Variants in RUBCN observed in about 807,000 individuals in gnomAD.
RUBCN encodes run domain Beclin-1-interacting and cysteine-rich domain-containing protein.
RUBCN carries 74 observed loss-of-function variants against 113.2 expected under a neutral mutation model. The ratio of observed to expected loss-of-function variants is 0.65; its 90% CI spans 0.54 to 0.79. The LOEUF is 0.79. RUBCN is among the 30% of genes least tolerant of loss of function. The pLI is 0.00. For synonymous variants in RUBCN, 480 were observed against 490.0 expected (o/e 0.98, Z 0.27); for missense variants, 1,109 against 1,251.7 (o/e 0.89, Z 1.72).
rs755755274 is a variant in RUBCN at position 197,700,654 on chromosome 3, C to T, written c.1220G>A (p.Arg407His). 3.7e-6 allele frequency: 6 copies of T among 1,613,922 alleles called. No individual in the cohort carries two copies. The African/African-American group carries it at 6.7e-5, about 18-fold the overall frequency. Residue 407 changes from arginine (R) to histidine (H), a missense_variant, in exon 7 of 20, where the codon CGC becomes CAC. Around this residue, in one of 3 missense-constraint regions of RUBCN, gnomAD observed 736 missense variants for 779.6 expected, o/e 0.94. Coordinates refer to ENST00000296343, the MANE Select transcript of RUBCN (RefSeq NM_014687.4). ...GGCAATGCTGGTATCCGAATGGGAG[C>T]GAATGTGGCTTTTCTTTGCCCCACT... ...VTSGAKKSHI[R>H]SHSDTSIASR... is the part of the protein sequence containing the mutation.
exon 1 of RUBCN, chr3:197,749,675 G>T: frequency 1.4e-6 from 1 of 714,344 alleles, no homozygotes; most frequent in Non-Finnish European, 2.3e-6. Flanking sequence ...GCATCCCCCA[G>T]TTTGGGCGGA....
At chr3:197,746,381 T>C (rs941321886) in intron 1 of RUBCN, among the ~76,000 whole-genome samples, 1 of 152,208 alleles carries the variant, frequency 6.6e-6, no homozygotes, top group Non-Finnish European at 1.5e-5. Context: ...TCAGGGGTCT[T>C]ATCTCTGGCA....
At chr3:197,739,584 T>C (rs1433649870), upstream of RUBCN, among the ~76,000 whole-genome samples, 5 of 151,412 alleles carry the variant, frequency 3.3e-5, no homozygotes, top group Non-Finnish European at 5.9e-5. Context: ...TAGTCCCAGC[T>C]ACTCCGGAGG....
At position 197,705,073 on chromosome 3, in the gene RUBCN, G is replaced by A. The variant is rs563465986; in HGVS notation, c.303+19C>T. 1.1e-5 allele frequency: 18 copies of A among 1,598,668 alleles called. No homozygotes were observed. The highest frequency in any genetic ancestry group is 2.3e-5 in the East Asian group (1 of 44,174). On this transcript the variant is annotated intron_variant, in intron 3 of 19. Coordinates refer to ENST00000296343, the MANE Select transcript of RUBCN (RefSeq NM_014687.4). ...GACCCACAGCTCTGCCAGCACAGCC[G>A]CTCTGCTCTCACTCTTACCTTCTCC...
intron 7 of RUBCN, chr3:197,699,178 T>C (rs1265914362): frequency 3.9e-6 from 6 of 1,545,286 alleles, no homozygotes; most frequent in Non-Finnish European, 5.3e-6. Flanking sequence ...GGAGGACCGA[T>C]TCCCAAACCT....
intron 5 of RUBCN, among the ~76,000 whole-genome samples, chr3:197,702,213 C>T (rs1319309344): frequency 2.6e-5 from 4 of 152,334 alleles, no homozygotes; most frequent in South Asian, 2.1e-4. Flanking sequence ...CTTTGGACCA[C>T]GTATCTACTC....
intron 1 of RUBCN, among the ~76,000 whole-genome samples, chr3:197,731,683 C>A (rs1313737026): frequency 4.0e-5 from 6 of 151,790 alleles, no homozygotes; most frequent in Non-Finnish European, 7.4e-5. Context: ...CTCCTCACTT[C>A]CCAGTAGGGG....
At chr3:197,697,459 A>C (rs1345870971) in intron 7 of RUBCN, among the ~76,000 whole-genome samples, 2 of 152,244 alleles carry the variant, frequency 1.3e-5, no homozygotes, top group Non-Finnish European at 2.9e-5. Context: ...TGACATCTTG[A>C]CATTAGGTTT....
rs1393165877 is a variant in RUBCN, at chr3:197,669,795, G to A, written c.*5223C>T. On this transcript the variant is annotated 3_prime_UTR_variant, in exon 20 of 20. Coordinates refer to ENST00000296343, the MANE Select transcript of RUBCN (RefSeq NM_014687.4). Reference sequence around the variant, plus strand: ...TTTATTTGGTCATTTATTTATGTATGTATGGACTAATAAATATATATTTGA... The same window carrying A: ...TTTATTTGGTCATTTATTTATGTATATATGGACTAATAAATATATATTTGA... Among the ~76,000 whole-genome samples the A allele has an allele frequency of 1.3e-5, 2 of 152,154 alleles. No individual in the cohort carries two copies. Among genetic ancestry groups the A allele is most frequent in the African/African-American group, 2.4e-5 (1 of 41,434 alleles).
upstream of RUBCN, chr3:197,737,029 T>G: frequency 1.1e-6 from 1 of 920,502 alleles, no homozygotes; most frequent in Non-Finnish European, 1.4e-6. Flanking sequence ...GGCAGGCCGC[T>G]CCCGCAAGCC....
chr3:197,713,134 C>T (rs1046772819), intron 2 of RUBCN, among the ~76,000 whole-genome samples: 2 of 152,216 alleles, frequency 1.3e-5, no homozygotes, highest in Admixed American at 1.3e-4. Context: ...GCTGGGATTA[C>T]AGGCATGAGC....
exon 1 of RUBCN, chr3:197,749,295 T>C (rs141046716): frequency 3.6e-6 from 4 of 1,102,334 alleles, no homozygotes; most frequent in African/African-American, 3.3e-5. Context: ...TGAGGTCTTA[T>C]TAGGGTAGTG....
chr3:197,694,538 C>T lies in RUBCN; in HGVS notation c.1521G>A (p.Glu507=), dbSNP rs1439159808. The T allele has an allele frequency of 6.2e-7, 1 of 1,614,086 alleles. No individual in the cohort carries two copies. Among genetic ancestry groups the T allele is most frequent in the Non-Finnish European group, 8.5e-7 (1 of 1,180,032 alleles). The stretch of plus-strand genomic sequence containing the variant: ...GGCTCATCATGTTGCACTTCATTAG[C>T]TCGATGGCAGCAATTAAGGACTCTG... The part of the protein sequence containing the change: ...SISESLIAAI[E]LMKCNMMSQC... Residue 507 remains glutamate (E), a synonymous_variant, in exon 10 of 20, where the codon GAG becomes GAA. Transcript: ENST00000296343.
chr3:197,704,831 T>C (rs755052672), intron 3 of RUBCN, 130 bp from the exon 4 acceptor site: 5 of 1,080,074 alleles, frequency 4.6e-6, no homozygotes, highest in Non-Finnish European at 7.0e-6. Context: ...CTGGGTCCCA[T>C]GTAGGCAGGC....
At chr3:197,677,730 T>C (rs1246051335) in intron 16 of RUBCN, among the ~76,000 whole-genome samples, 189 bp from the exon 17 acceptor site, 702 of 128,234 alleles carry the variant, frequency 5.5e-3, no homozygotes, top group Middle Eastern at 0.037. Context: ...TGGCTTCAGA[T>C]TGTCCCACAC....
In RUBCN at chr3:197,673,767, A is replaced by C. The variant is rs1484819273; in HGVS notation, c.*1251T>G. 6.5e-6 allele frequency: 1 copy of C among 152,800 alleles called. No individual in the cohort carries two copies. Among genetic ancestry groups the C allele is most frequent in the Admixed American group, 6.5e-5 (1 of 15,308 alleles). 9.5% of individuals were successfully genotyped at this position (152,800 alleles called of 1,614,324 possible). On this transcript the variant is annotated 3_prime_UTR_variant, in exon 20 of 20. Transcript: ENST00000296343. ...GGGGCAGCACACTAAAATCAGCATT[A>C]TCAAATGAACAGATAAACATTACCA...
In RUBCN at chr3:197,674,850, C is replaced by CAG; in HGVS notation, c.*167_*168insCT. 1.7e-6 allele frequency: 1 copy of CAG among 580,982 alleles called. No homozygotes were observed. The allele number at this position is 580,982 out of a possible 1,614,324, so 36.0% of individuals were successfully genotyped here. On this transcript the variant is annotated 3_prime_UTR_variant, in exon 20 of 20. Transcript: ENST00000296343. ...TCTGGACCCATCAACCTGCCGACGG[C>CAG]TGACTGCACACAGACGTCAGACAAG...
rs138073730 is a variant in RUBCN, at chr3:197,675,647, A to T, written c.2647-132T>A. ...CAGGGAGGAGGCCTGGGCTGGACTCAGAAGCATGAAAGCTAAACTAGGACC... is the reference window on the plus strand; with the variant it reads ...CAGGGAGGAGGCCTGGGCTGGACTCTGAAGCATGAAAGCTAAACTAGGACC... On this transcript the variant is annotated intron_variant, in intron 18 of 19. Transcript: ENST00000296343. This position sits in a 1 kb window ranked among gnomAD's most constrained non-coding sequence, Gnocchi z 4.4. 825 of 735,346 alleles carry T rather than the reference A, an allele frequency of 1.1e-3. 9 individuals carry two copies. The African/African-American group carries it at 0.013, about 12-fold the overall frequency. The allele number at this position is 735,346 out of a possible 1,614,324, so 45.6% of individuals were successfully genotyped here.
intron 11 of RUBCN, among the ~76,000 whole-genome samples, chr3:197,687,158 A>G (rs1428068909): frequency 2.6e-5 from 4 of 152,260 alleles, no homozygotes; most frequent in African/African-American, 9.6e-5. Context: ...TCTAGAAGAT[A>G]AGGTGATACC....
Sources: gnomAD v4.1 joint callset for allele counts (sites outside exome capture counted in the v4.1 genomes callset) on GRCh38, gnomAD v4.1.1 for gene constraint, gnomAD v4.1.1 regional missense constraint, Gnocchi (gnomAD v3.1) non-coding constraint, MANE v1.5 for transcripts, NCBI Gene and HGNC (gene_info 2026-07-23, HGNC 2026-07-21) for gene names.